ZNF438: variants seen among roughly 807,000 people sequenced by gnomAD.
The protein encoded by ZNF438 is zinc finger protein 438.
ZNF438 carries 25 observed loss-of-function variants against 38.0 expected under a neutral mutation model. The observed-to-expected ratio is 0.66, with a 90% CI of 0.48 to 0.92. The LOEUF is 0.92. ZNF438 is among the 40% of genes least tolerant of loss of function. The pLI, the probability that ZNF438 is intolerant of heterozygous loss-of-function variation, is 0.00. For missense variants in ZNF438, 1,007 were observed against 999.6 expected, an observed-to-expected ratio of 1.01 and a Z score of -0.10; for synonymous variants, 372 against 364.1, an observed-to-expected ratio of 1.02 and a Z score of -0.25.
At chr10:30,880,983 T>C (rs2039167241) in intron 3 of ZNF438, among the ~76,000 whole-genome samples, 2 of 152,230 alleles carry the variant, frequency 1.3e-5, no homozygotes, top group South Asian at 4.1e-4. Flanking sequence ...AGAAAGGAAC[T>C]CCTCACTCTG....
At chr10:30,871,810 A>G (rs970570457) in intron 4 of ZNF438, among the ~76,000 whole-genome samples, 6 of 152,238 alleles carry the variant, frequency 3.9e-5, no homozygotes, top group Non-Finnish European at 5.9e-5. Context: ...CAAATCATGT[A>G]AAGATTTGGG....
chr10:30,929,808 T>A (rs4483498), intron 2 of ZNF438, among the ~76,000 whole-genome samples: 68,661 of 151,734 alleles, frequency 0.45, 15,753 homozygotes, highest in African/African-American at 0.52. Flanking sequence ...GTTCTCCAAG[T>A]CCCCACCAGA....
At chr10:30,926,235 C>T (rs1284871012) in intron 2 of ZNF438, among the ~76,000 whole-genome samples, 1 of 152,154 alleles carries the variant, frequency 6.6e-6, no homozygotes, top group African/African-American at 2.4e-5. Context: ...TCAAAACTCG[C>T]TGAACTCAAC....
intron 4 of ZNF438, among the ~76,000 whole-genome samples, chr10:30,860,183 A>T (rs2035342529): frequency 1.3e-5 from 2 of 152,224 alleles, no homozygotes; most frequent in Admixed American, 1.3e-4. Context: ...CGCATTCCAG[A>T]GAGGGTCCTG....
At chr10:31,031,606 G>T (rs901175500) in intron 1 of ZNF438, among the ~76,000 whole-genome samples, 1 of 152,130 alleles carries the variant, frequency 6.6e-6, no homozygotes, top group Non-Finnish European at 1.5e-5. Flanking sequence ...CCGCCCCAGG[G>T]GAAAAGGTGC....
At chr10:30,949,218 C>G (rs886165197) in intron 1 of ZNF438, among the ~76,000 whole-genome samples, 3 of 151,770 alleles carry the variant, frequency 2.0e-5, no homozygotes, top group South Asian at 4.2e-4. Context: ...TTTGTCACCA[C>G]CAGGCCTGCC....
At chr10:30,951,419 A>G (rs2048179789) in intron 1 of ZNF438, among the ~76,000 whole-genome samples, 1 of 151,536 alleles carries the variant, frequency 6.6e-6, no homozygotes, top group Non-Finnish European at 1.5e-5. Flanking sequence ...CAGGAGAAGG[A>G]AATAAAGGGT....
In ZNF438 at chr10:30,871,807, T is replaced by C. The variant is rs947225706; in HGVS notation, c.37+5191A>G. Among the ~76,000 whole-genome samples the C allele has an allele frequency of 5.9e-5, 9 of 152,298 alleles. No individual in the cohort carries two copies. The East Asian group carries it at 1.7e-3, about 29-fold the overall frequency. ...TGGCTGTGGTTGTGCAGTCAAATCA[T>C]GTAAAGATTTGGGAAATTAGTAGTA... On this transcript the variant is annotated intron_variant, in intron 4 of 5. Coordinates refer to ENST00000413025, the Ensembl canonical transcript of ZNF438.
intron 1 of ZNF438, among the ~76,000 whole-genome samples, chr10:31,025,951 G>A (rs1382654596): frequency 6.6e-6 from 1 of 152,086 alleles, no homozygotes; most frequent in East Asian, 1.9e-4. Flanking sequence ...AAAAGTGATT[G>A]CAAGAAGTAG....
chr10:30,915,139 CTT>C (rs1044079478), intron 2 of ZNF438, among the ~76,000 whole-genome samples: 16 of 152,086 alleles, frequency 1.1e-4, no homozygotes, highest in African/African-American at 3.9e-4. Context: ...CAGTCAGACT[CTT>C]TAAAAATAAA....
intron 2 of ZNF438, among the ~76,000 whole-genome samples, chr10:30,938,568 G>A (rs1179624895): frequency 6.6e-6 from 1 of 151,876 alleles, no homozygotes; most frequent in Non-Finnish European, 1.5e-5. Context: ...GAGCCACCAT[G>A]CCTGGCCTAG....
intron 3 of ZNF438, among the ~76,000 whole-genome samples, chr10:30,905,894 AG>A (rs2042534306): frequency 6.6e-6 from 1 of 152,220 alleles, no homozygotes. Flanking sequence ...GTTTATTTTT[AG>A]ACCCTTAATT....
chr10:30,879,275 G>A (rs2038895238), intron 3 of ZNF438, among the ~76,000 whole-genome samples: 1 of 152,184 alleles, frequency 6.6e-6, no homozygotes. Flanking sequence ...TGCCTTAGTA[G>A]GGGGGAATAC....
chr10:30,983,060 C>A (rs967432278), intron 1 of ZNF438, among the ~76,000 whole-genome samples: 1 of 152,096 alleles, frequency 6.6e-6, no homozygotes, highest in Non-Finnish European at 1.5e-5. Flanking sequence ...GGACTTTTTT[C>A]TCTAAACAAT....
rs186065925 is a variant in ZNF438 at position 30,875,322 on chromosome 10, T to C, written c.37+1676A>G. 501 of 985,378 alleles carry C rather than the reference T, an allele frequency of 5.1e-4. 1 individual carries two copies. The African/African-American group carries it at 7.7e-3, about 15-fold the overall frequency. 61.0% of individuals were successfully genotyped at this position (985,378 alleles called of 1,614,324 possible). On this transcript the variant is annotated intron_variant, in intron 4 of 5. Coordinates refer to ENST00000413025, the Ensembl canonical transcript of ZNF438. ...GCAGCTTGTTGCTTAGTTACTCACA[T>C]AGACTCACCTTTTTAGAGCCTGAAA...
chr10:30,985,850 T>C (rs905808682), intron 1 of ZNF438, among the ~76,000 whole-genome samples: 2 of 152,232 alleles, frequency 1.3e-5, no homozygotes, highest in African/African-American at 4.8e-5. Context: ...CCTCATTTTA[T>C]GTATATTTCT....
exon 5 of ZNF438, chr10:30,849,555 T>C: frequency 1.9e-6 from 3 of 1,614,260 alleles, no homozygotes; most frequent in Non-Finnish European, 2.5e-6. Context: ...ACTGAAGAGA[T>C]CAACTGAACT....
intron 3 of ZNF438, among the ~76,000 whole-genome samples, chr10:30,902,063 G>A (rs1466724104): frequency 6.6e-6 from 1 of 152,184 alleles, no homozygotes; most frequent in East Asian, 1.9e-4. Context: ...GACCCAAAGA[G>A]TGGGCAGCAG....
intron 1 of ZNF438, among the ~76,000 whole-genome samples, chr10:31,031,466 T>C (rs2057289168): frequency 6.6e-6 from 1 of 152,266 alleles, no homozygotes; most frequent in Non-Finnish European, 1.5e-5. Flanking sequence ...CTACTTAACA[T>C]GTCAAACTCC....
Sources: allele counts gnomAD v4.1 joint callset (sites outside exome capture counted in the v4.1 genomes callset), GRCh38; gene constraint gnomAD v4.1.1; transcripts MANE v1.5; gene names NCBI Gene and HGNC (gene_info 2026-07-23, HGNC 2026-07-21).